Variants in SH3RF3 observed in about 807,000 individuals in gnomAD.
SH3RF3 encodes the protein E3 ubiquitin-protein ligase SH3RF3.
SH3RF3 carries 29 observed loss-of-function variants against 66.3 expected under a neutral mutation model. The observed-to-expected ratio is 0.44, with a 90% CI of 0.33 to 0.60. The LOEUF is 0.60. SH3RF3 is among the 20% of genes least tolerant of loss of function. The pLI is 0.04. For missense variants in SH3RF3, 1,194 were observed against 1,190.9 expected, an observed-to-expected ratio of 1.00 and a Z score of -0.04; for synonymous variants, 583 against 532.0, an observed-to-expected ratio of 1.10 and a Z score of -1.32.
At chr2:109,431,302 C>G (rs558380445) in intron 5 of SH3RF3, among the ~76,000 whole-genome samples, 45 of 152,312 alleles carry the variant, frequency 3.0e-4, no homozygotes, top group African/African-American at 1.1e-3. Context: ...TAACATTCAT[C>G]TTTGGTCTCT....
At chr2:109,184,716 C>T (rs915481331) in intron 1 of SH3RF3, among the ~76,000 whole-genome samples, 29 of 152,180 alleles carry the variant, frequency 1.9e-4, no homozygotes, top group Non-Finnish European at 3.7e-4. Flanking sequence ...TCTCCAAGTG[C>T]CTCCTGTGAA....
chr2:109,136,154 A>G (rs1197189373), intron 1 of SH3RF3, among the ~76,000 whole-genome samples: 2 of 152,048 alleles, frequency 1.3e-5, no homozygotes, highest in African/African-American at 4.8e-5. Flanking sequence ...AATTGTTTCT[A>G]GTGTGCATTT....
At chr2:109,373,641 G>C (rs1317393527) in intron 3 of SH3RF3, among the ~76,000 whole-genome samples, 1 of 152,156 alleles carries the variant, frequency 6.6e-6, no homozygotes, top group Non-Finnish European at 1.5e-5. Flanking sequence ...TAGTGACCTT[G>C]GGGATTCTGA....
chr2:109,438,234 G>T (rs1454956159), intron 7 of SH3RF3, among the ~76,000 whole-genome samples: 1 of 152,168 alleles, frequency 6.6e-6, no homozygotes, highest in African/African-American at 2.4e-5. Flanking sequence ...TCATCCACTT[G>T]CCCACCCAAG....
At chr2:109,265,464 G>A (rs965167163) in intron 1 of SH3RF3, among the ~76,000 whole-genome samples, 1 of 152,212 alleles carries the variant, frequency 6.6e-6, no homozygotes, top group Non-Finnish European at 1.5e-5. Flanking sequence ...ACCTCCCAGC[G>A]TGGAAATAAC....
chr2:109,410,246 C>T (rs1280450790), intron 4 of SH3RF3, among the ~76,000 whole-genome samples: 3 of 152,338 alleles, frequency 2.0e-5, no homozygotes, highest in East Asian at 1.9e-4. Context: ...TGAAACACAT[C>T]GCCGTCACAG....
intron 4 of SH3RF3, among the ~76,000 whole-genome samples, chr2:109,419,203 T>A (rs1317155992): frequency 1.3e-5 from 2 of 152,178 alleles, no homozygotes; most frequent in African/African-American, 4.8e-5. Context: ...GGGTTTTTTT[T>A]AAACAAACAC....
chr2:109,324,135 C>T (rs1682094175), intron 1 of SH3RF3, among the ~76,000 whole-genome samples: 1 of 152,200 alleles, frequency 6.6e-6, no homozygotes, highest in Non-Finnish European at 1.5e-5. Flanking sequence ...TAGCATGTTT[C>T]ACTACTTCAT....
intron 8 of SH3RF3, among the ~76,000 whole-genome samples, chr2:109,485,398 C>G (rs1273812606): frequency 2.0e-5 from 3 of 152,186 alleles, no homozygotes; most frequent in Non-Finnish European, 4.4e-5. Context: ...CCCTTTGGCT[C>G]CTTAAAATTT....
At chr2:109,402,013 T>C (rs1676329591) in intron 4 of SH3RF3, among the ~76,000 whole-genome samples, 2 of 152,144 alleles carry the variant, frequency 1.3e-5, no homozygotes, top group South Asian at 4.2e-4. Context: ...GGGCAAGAGG[T>C]CAAATAAAGC....
At chr2:109,403,568 A>C (rs1427363654) in intron 4 of SH3RF3, among the ~76,000 whole-genome samples, 1 of 152,216 alleles carries the variant, frequency 6.6e-6, no homozygotes, top group Admixed American at 6.5e-5. Context: ...GGCTGACCTC[A>C]GGCCAAAGGA....
chr2:109,283,482 C>A (rs560029685), intron 1 of SH3RF3, among the ~76,000 whole-genome samples: 5 of 152,180 alleles, frequency 3.3e-5, no homozygotes, highest in Non-Finnish European at 5.9e-5. Flanking sequence ...ACCACAGAGA[C>A]CCCTGGTGTT....
chr2:109,413,645 C>G (rs1346795960), intron 4 of SH3RF3, among the ~76,000 whole-genome samples: 2 of 152,232 alleles, frequency 1.3e-5, no homozygotes, highest in African/African-American at 4.8e-5. Context: ...CTCTGGCCCC[C>G]ACATTCCCCT....
At chr2:109,234,771 C>T (rs931941653) in intron 1 of SH3RF3, among the ~76,000 whole-genome samples, 3 of 152,176 alleles carry the variant, frequency 2.0e-5, no homozygotes, top group African/African-American at 7.2e-5. Flanking sequence ...TTTGCTGAAA[C>T]AAATTACATC....
At chr2:109,477,613 G>GGTGTGTGTGTGTGT (rs71383845) in intron 8 of SH3RF3, among the ~76,000 whole-genome samples, 1 of 149,352 alleles carries the variant, frequency 6.7e-6, no homozygotes, top group African/African-American at 2.5e-5. Flanking sequence ...GCCACAGATG[G>GGTGTGTGTGTGTGT]GTGTGTGTGT....
chr2:109,136,670 C>T (rs1017598640), intron 1 of SH3RF3, among the ~76,000 whole-genome samples: 11 of 152,136 alleles, frequency 7.2e-5, no homozygotes, highest in Non-Finnish European at 1.2e-4. Flanking sequence ...TTGGGTAGCA[C>T]GTGTTTACAT....
At chr2:109,316,360 C>T (rs925462536) in intron 1 of SH3RF3, among the ~76,000 whole-genome samples, 1 of 152,088 alleles carries the variant, frequency 6.6e-6, no homozygotes, top group Non-Finnish European at 1.5e-5. Context: ...TCTACATGCC[C>T]CTGCTCCTGG....
rs138529457 is a variant in SH3RF3 at position 109,168,202 on chromosome 2, T to C, written c.573+38089T>C. On this transcript the variant is annotated intron_variant, in intron 1 of 9. Transcript: ENST00000309415. ...CTGTGATTTGCAAACATTGCATCAT[T>C]GGGTTACAAATTCAGAGCTTTTCTG... Among the ~76,000 whole-genome samples, 8 of 152,342 alleles carry C rather than the reference T, an allele frequency of 5.3e-5. No individual in the cohort carries two copies. In the East Asian group the frequency reaches 1.5e-3, roughly 29 times the overall value.
At chr2:109,471,600 C>T (rs1449854826) in intron 8 of SH3RF3, among the ~76,000 whole-genome samples, 1 of 152,198 alleles carries the variant, frequency 6.6e-6, no homozygotes, top group Non-Finnish European at 1.5e-5. Context: ...TGGAACAGCT[C>T]ATGTAGGCCC....
Sources: allele counts gnomAD v4.1 joint callset (sites outside exome capture counted in the v4.1 genomes callset), GRCh38; gene constraint gnomAD v4.1.1; transcripts MANE v1.5; gene names NCBI Gene and HGNC (gene_info 2026-07-23, HGNC 2026-07-21).